TRPM8: variants seen among roughly 807,000 people sequenced by gnomAD.
TRPM8 encodes transient receptor potential cation channel subfamily M member 8.
In TRPM8, 110 loss-of-function variants were observed where a neutral mutation model predicts 133.7. The ratio of observed to expected loss-of-function variants is 0.82; its 90% CI spans 0.70 to 0.96. TRPM8 has a LOEUF of 0.96. Ranked by LOEUF, TRPM8 falls within the 40% of genes least tolerant of loss-of-function variation. The pLI, the probability that TRPM8 is intolerant of heterozygous loss-of-function variation, is 0.00. For missense variants in TRPM8, 1,291 were observed against 1,379.5 expected, an observed-to-expected ratio of 0.94 and a Z score of 1.02; for synonymous variants, 535 against 532.3, an observed-to-expected ratio of 1.01 and a Z score of -0.07.
chr2:233,951,838 T>C (rs1691178139), intron 9 of TRPM8, among the ~76,000 whole-genome samples: 1 of 152,192 alleles, frequency 6.6e-6, no homozygotes, highest in Non-Finnish European at 1.5e-5. Flanking sequence ...AGTGGGATTA[T>C]TAATTAATGA....
At chr2:233,951,392 C>A (rs1180593073) in intron 9 of TRPM8, among the ~76,000 whole-genome samples, 1 of 152,272 alleles carries the variant, frequency 6.6e-6, no homozygotes, top group Non-Finnish European at 1.5e-5. Context: ...GTTCAGGGAT[C>A]CCCATAGAGG....
Position 233,920,052 on chromosome 2 carries a change from A to T in TRPM8, c.-6+2620A>T, listed in dbSNP as rs114294013. Among the ~76,000 whole-genome samples, 1,201 of 152,248 alleles carry T rather than the reference A, an allele frequency of 7.9e-3. 16 individuals carry two copies. Among genetic ancestry groups the T allele is most frequent in the African/African-American group, 0.028 (1,146 of 41,536 alleles). On this transcript the variant is annotated intron_variant, in intron 1 of 25. Coordinates refer to ENST00000324695, the MANE Select transcript of TRPM8 (RefSeq NM_024080.5). ...ATTAGCACCTGGGAACTTGCTAGAGATGCAGAATCTGGGGCTCACTGCAGA... is the reference window on the plus strand; with the variant it reads ...ATTAGCACCTGGGAACTTGCTAGAGTTGCAGAATCTGGGGCTCACTGCAGA...
chr2:233,927,819 C>T (rs1691572932), intron 2 of TRPM8, among the ~76,000 whole-genome samples: 1 of 74,328 alleles, frequency 1.3e-5, no homozygotes, highest in Non-Finnish European at 2.4e-5. Context: ...TTCCTTCCTT[C>T]CTTCCTTCCT....
At chr2:233,944,714 G>T (rs1301039280) in intron 6 of TRPM8, among the ~76,000 whole-genome samples, 1 of 152,032 alleles carries the variant, frequency 6.6e-6, no homozygotes, top group Non-Finnish European at 1.5e-5. Context: ...GGCCAAAGCT[G>T]CACTCAAAGT....
At chr2:233,983,465 G>GTTTTTTTCTT in intron 20 of TRPM8, 1 of 507,124 alleles carries the variant, frequency 2.0e-6, no homozygotes, top group South Asian at 2.1e-5. Context: ...TAGTGATTCT[G>GTTTTTTTCTT]GTATTTTCAA....
chr2:233,980,535 A>C (rs1026488413), intron 18 of TRPM8, among the ~76,000 whole-genome samples: 1 of 152,040 alleles, frequency 6.6e-6, no homozygotes, highest in African/African-American at 2.4e-5. Flanking sequence ...TTTGGGGAGA[A>C]TTATTTTTTT....
chr2:233,958,705 C>T (rs1691354154), intron 11 of TRPM8, among the ~76,000 whole-genome samples: 1 of 152,174 alleles, frequency 6.6e-6, no homozygotes, highest in Non-Finnish European at 1.5e-5. Flanking sequence ...CCCCCTCTTC[C>T]CCTGCTGAGC....
chr2:233,980,705 G>C (rs947890453), intron 18 of TRPM8, among the ~76,000 whole-genome samples: 4 of 152,164 alleles, frequency 2.6e-5, no homozygotes, highest in Non-Finnish European at 5.9e-5. Flanking sequence ...ACTTTGATTT[G>C]AATGCTGGCT....
intron 1 of TRPM8, among the ~76,000 whole-genome samples, chr2:233,918,704 T>C (rs1049575654): frequency 6.6e-6 from 1 of 152,160 alleles, no homozygotes; most frequent in Non-Finnish European, 1.5e-5. Context: ...AACAGGATAA[T>C]GCCTACAACA....
chr2:234,016,491 A>G (rs1224113601), intron 25 of TRPM8, among the ~76,000 whole-genome samples: 1 of 152,194 alleles, frequency 6.6e-6, no homozygotes, highest in South Asian at 2.1e-4. Flanking sequence ...GGTGAGGGTA[A>G]TCCTTCCCTG....
chr2:233,919,623 C>T (rs775507211), intron 1 of TRPM8, among the ~76,000 whole-genome samples: 30 of 151,350 alleles, frequency 2.0e-4, no homozygotes, highest in South Asian at 4.2e-4. Flanking sequence ...TACTCTTTAA[C>T]GTATCCATGT....
At chr2:233,924,840 C>T (rs1691479696) in intron 1 of TRPM8, among the ~76,000 whole-genome samples, 1 of 152,322 alleles carries the variant, frequency 6.6e-6, no homozygotes, top group Non-Finnish European at 1.5e-5. Context: ...ATAGTGAATA[C>T]CTTGCAGGAT....
At chr2:233,992,140 G>A (rs1044610576) in intron 21 of TRPM8, among the ~76,000 whole-genome samples, 12 of 151,930 alleles carry the variant, frequency 7.9e-5, no homozygotes, top group Admixed American at 1.3e-4. Context: ...CAGTGACTAC[G>A]TTTTGGTACG....
intron 6 of TRPM8, 101 bp downstream of exon 6, chr2:233,942,849 G>T: frequency 2.8e-6 from 4 of 1,416,202 alleles, no homozygotes; most frequent in Non-Finnish European, 4.0e-6. Context: ...GAGCCAGCCA[G>T]ATCATGGGGA....
intron 21 of TRPM8, among the ~76,000 whole-genome samples, chr2:233,994,199 C>T (rs142009820): frequency 1.3e-5 from 2 of 152,292 alleles, no homozygotes; most frequent in East Asian, 1.9e-4. Flanking sequence ...TGCATGCACA[C>T]GTGTCTCGTT....
chr2:233,986,266 C>G (rs1292634638), intron 21 of TRPM8, among the ~76,000 whole-genome samples: 1 of 152,220 alleles, frequency 6.6e-6, no homozygotes, highest in Non-Finnish European at 1.5e-5. Flanking sequence ...AGGACTCAGA[C>G]TTTAGTTAAT....
Position 234,017,924 on chromosome 2 carries a change from G to T in TRPM8, c.*668G>T, listed in dbSNP as rs929271860. ...ACCCCCATTCCTAAATATGTGAAAAGTCGCCCAAAATGCAACCTTGAAAGG... is the reference window on the plus strand; with the variant it reads ...ACCCCCATTCCTAAATATGTGAAAATTCGCCCAAAATGCAACCTTGAAAGG... On this transcript the variant is annotated 3_prime_UTR_variant, in exon 26 of 26. Coordinates refer to ENST00000324695, the MANE Select transcript of TRPM8 (RefSeq NM_024080.5). The T allele has an allele frequency of 6.6e-6, 1 of 152,152 alleles. No individual in the cohort carries two copies. The highest frequency in any genetic ancestry group is 6.5e-5 in the Admixed American group (1 of 15,280). 9.4% of individuals were successfully genotyped at this position (152,152 alleles called of 1,614,324 possible). A position where few individuals can be genotyped will look rare whatever the true frequency, so the allele number is the denominator to read the frequency against.
At chr2:233,953,787 G>C in intron 9 of TRPM8, 130 bp from the exon 10 acceptor site, 1 of 629,448 alleles carries the variant, frequency 1.6e-6, no homozygotes, top group South Asian at 2.0e-5. Flanking sequence ...TTGCAATTCA[G>C]AAATGAGAAG....
intron 24 of TRPM8, among the ~76,000 whole-genome samples, chr2:234,009,818 TTTA>T (rs1692790476): frequency 6.6e-6 from 1 of 152,180 alleles, no homozygotes; most frequent in Admixed American, 6.5e-5. Context: ...TTTAAACAGC[TTTA>T]TTGAGATATC....
Sources: allele counts gnomAD v4.1 joint callset (sites outside exome capture counted in the v4.1 genomes callset), GRCh38; gene constraint gnomAD v4.1.1; transcripts MANE v1.5; gene names NCBI Gene and HGNC (gene_info 2026-07-23, HGNC 2026-07-21).